TRPC4: variants seen among roughly 807,000 people sequenced by gnomAD.
TRPC4 encodes the protein short transient receptor potential channel 4.
A neutral mutation model predicts 99.4 loss-of-function variants in TRPC4; 49 were observed. The observed-to-expected ratio is 0.49, with a 90% CI of 0.39 to 0.63. TRPC4 has a LOEUF of 0.63. Ranked by LOEUF, TRPC4 falls within the 20% of genes least tolerant of loss-of-function variation. TRPC4 has a pLI of 0.00. For synonymous variants in TRPC4, 454 were observed against 425.9 expected (o/e 1.07, Z -0.81); for missense variants, 898 against 1,152.9 (o/e 0.78, Z 3.20).
chr13:37,720,028 T>C (rs1566119836), intron 3 of TRPC4, among the ~76,000 whole-genome samples: 1 of 152,094 alleles, frequency 6.6e-6, no homozygotes, highest in African/African-American at 2.4e-5. Context: ...GCTAAGGTGA[T>C]GCTGCTGAGA....
chr13:37,845,878 CA>C (rs1224387172), intron 1 of TRPC4, among the ~76,000 whole-genome samples: 1 of 152,036 alleles, frequency 6.6e-6, no homozygotes, highest in Non-Finnish European at 1.5e-5. Flanking sequence ...ACATTATAAT[CA>C]AATTATCAAA....
At chr13:37,721,971 A>G (rs1161213284) in intron 3 of TRPC4, among the ~76,000 whole-genome samples, 1 of 152,090 alleles carries the variant, frequency 6.6e-6, no homozygotes, top group Non-Finnish European at 1.5e-5. Context: ...GGCACAAAAA[A>G]TCTTATTCAA....
chr13:37,773,568 A>G (rs527612125), intron 2 of TRPC4, among the ~76,000 whole-genome samples: 1 of 151,908 alleles, frequency 6.6e-6, no homozygotes. Context: ...CAGTACCCAC[A>G]TGGTGCTGGA....
At position 37,635,364 on chromosome 13, in the gene TRPC4, G is replaced by A. The variant is rs898847539; in HGVS notation, c.*1539C>T. ...GTCTCAGTTTCATCATATGTGAAAT[G>A]GGGATAAAAACAGGAGCTACTTCAG... On this transcript the variant is annotated 3_prime_UTR_variant, in exon 11 of 11. Transcript: ENST00000379705. Among the ~76,000 whole-genome samples the A allele has an allele frequency of 6.6e-6, 1 of 152,124 alleles. No homozygotes were observed. Among genetic ancestry groups the A allele is most frequent in the Non-Finnish European group, 1.5e-5 (1 of 68,020 alleles).
At chr13:37,799,959 A>G (rs1269293998) in intron 1 of TRPC4, among the ~76,000 whole-genome samples, 1 of 152,220 alleles carries the variant, frequency 6.6e-6, no homozygotes, top group Non-Finnish European at 1.5e-5. Context: ...GTCAAAGTAG[A>G]TAATTATGTC....
At chr13:37,856,844 A>C (rs1488995567) in intron 1 of TRPC4, among the ~76,000 whole-genome samples, 1 of 151,738 alleles carries the variant, frequency 6.6e-6, no homozygotes, top group East Asian at 1.9e-4. Flanking sequence ...AAAATTCAAC[A>C]TCCTTCATGA....
At chr13:37,802,401 G>A (rs557483011) in intron 1 of TRPC4, among the ~76,000 whole-genome samples, 3 of 152,130 alleles carry the variant, frequency 2.0e-5, no homozygotes, top group Non-Finnish European at 4.4e-5. Flanking sequence ...GACAATGTCG[G>A]AGTTGTTCCT....
chr13:37,693,213 T>C (rs1171400688), intron 3 of TRPC4, among the ~76,000 whole-genome samples: 2 of 152,088 alleles, frequency 1.3e-5, no homozygotes, highest in East Asian at 1.9e-4. Context: ...TTAAGCAATA[T>C]ATGAATTAAG....
intron 3 of TRPC4, among the ~76,000 whole-genome samples, chr13:37,737,459 CTTAT>C (rs1197140946): frequency 6.6e-6 from 1 of 151,902 alleles, no homozygotes; most frequent in Non-Finnish European, 1.5e-5. Context: ...ACCTTATTTA[CTTAT>C]TTATTTATTC....
At chr13:37,794,424 A>G (rs577833073) in intron 1 of TRPC4, among the ~76,000 whole-genome samples, 10 of 152,272 alleles carry the variant, frequency 6.6e-5, no homozygotes, top group African/African-American at 1.4e-4. Context: ...CTTGCTTCTC[A>G]ACAAAAGGTG....
At chr13:37,701,827 T>C (rs911163197) in intron 3 of TRPC4, among the ~76,000 whole-genome samples, 18 of 152,244 alleles carry the variant, frequency 1.2e-4, no homozygotes, top group African/African-American at 4.3e-4. Flanking sequence ...GATATTGAAA[T>C]GTTTTATACA....
At chr13:37,810,794 A>G (rs1243527177) in intron 1 of TRPC4, among the ~76,000 whole-genome samples, 2 of 152,008 alleles carry the variant, frequency 1.3e-5, no homozygotes, top group African/African-American at 4.8e-5. Flanking sequence ...TATTTCTTAT[A>G]CCCATCTTAC....
intron 2 of TRPC4, among the ~76,000 whole-genome samples, chr13:37,757,286 C>G (rs1307070996): frequency 1.3e-5 from 2 of 152,010 alleles, no homozygotes; most frequent in East Asian, 1.9e-4. Context: ...GACTTTTGGC[C>G]TACATTCATA....
At chr13:37,646,241 C>T (rs2138577673) in intron 8 of TRPC4, among the ~76,000 whole-genome samples, 1 of 152,240 alleles carries the variant, frequency 6.6e-6, no homozygotes, top group East Asian at 1.9e-4. Context: ...GAGTGATCTT[C>T]CAGAGACCAT....
rs1156963631 is a variant in TRPC4 at position 37,812,197 on chromosome 13, C to CAAAAAAAAAAACA, written c.-27-28838_-27-28837insTGTTTTTTTTTTT. Among the ~76,000 whole-genome samples, 4 of 111,202 alleles carry CAAAAAAAAAAACA rather than the reference C, an allele frequency of 3.6e-5. 1 individual carries two copies. Among genetic ancestry groups the CAAAAAAAAAAACA allele is most frequent in the African/African-American group, 9.4e-5 (3 of 32,026 alleles). The allele number at this position is 111,202 out of a possible 152,430, so 73.0% of individuals were successfully genotyped here. A position where few individuals can be genotyped will look rare whatever the true frequency, so the allele number is the denominator to read the frequency against. On this transcript the variant is annotated intron_variant, in intron 1 of 10. Transcript: ENST00000379705. ...CTATCAAAAAAAAAAAAAAAAAAAC[C>CAAAAAAAAAAACA]AGGAGATCTAATTGCTTCAAGTAAA...
At chr13:37,740,890 G>C (rs1313468861) in intron 3 of TRPC4, among the ~76,000 whole-genome samples, 4 of 152,102 alleles carry the variant, frequency 2.6e-5, no homozygotes, top group African/African-American at 4.8e-5. Flanking sequence ...ATAAACAGAA[G>C]GTTAGGAGGT....
chr13:37,662,422 A>T (rs1369552892), intron 6 of TRPC4, among the ~76,000 whole-genome samples: 1 of 152,212 alleles, frequency 6.6e-6, no homozygotes, highest in African/African-American at 2.4e-5. Context: ...TAAAAAGATG[A>T]TGAATAACTA....
intron 1 of TRPC4, among the ~76,000 whole-genome samples, chr13:37,837,768 T>C (rs1372379708): frequency 6.6e-6 from 1 of 152,058 alleles, no homozygotes; most frequent in Non-Finnish European, 1.5e-5. Flanking sequence ...GAAGGCATGA[T>C]TGGTTTTGAA....
intron 3 of TRPC4, among the ~76,000 whole-genome samples, chr13:37,727,641 A>G (rs1955106802): frequency 6.6e-6 from 1 of 152,060 alleles, no homozygotes; most frequent in African/African-American, 2.4e-5. Context: ...AATGATCAAT[A>G]AAATTGACAA....
Sources: gnomAD v4.1 joint callset for allele counts (sites outside exome capture counted in the v4.1 genomes callset) on GRCh38, gnomAD v4.1.1 for gene constraint, MANE v1.5 for transcripts, NCBI Gene and HGNC (gene_info 2026-07-23, HGNC 2026-07-21) for gene names.